PRKACB: variants seen among roughly 807,000 people sequenced by gnomAD.
PRKACB encodes the protein protein kinase cAMP-activated catalytic subunit beta.
PRKACB carries 16 observed loss-of-function variants against 51.4 expected under a neutral mutation model. The ratio of observed to expected loss-of-function variants is 0.31; its 90% CI spans 0.21 to 0.47. PRKACB has a LOEUF of 0.47. PRKACB is among the 20% of genes least tolerant of loss of function. The pLI is 1.00. For missense variants in PRKACB, 309 were observed against 464.5 expected (o/e 0.67, Z 3.08); for synonymous variants, 147 against 154.4 (o/e 0.95, Z 0.35).
At position 84,084,712 on chromosome 1, in the gene PRKACB, G is replaced by A. The variant is rs537251532; in HGVS notation, c.46+6341G>A. Among the ~76,000 whole-genome samples the A allele has an allele frequency of 4.6e-5, 7 of 152,228 alleles. No homozygotes were observed. In the South Asian group the frequency reaches 8.3e-4, roughly 18 times the overall value. The stretch of plus-strand genomic sequence containing the variant: ...GGAAAAGGAGGATTGGGGATGACAC[G>A]TTAAGTTTAAGCTTCAATGCCATGG... On this transcript the variant is annotated intron_variant, in intron 1 of 8. Coordinates refer to the PRKACB transcript ENST00000370688.
chr1:84,079,398 CAT>C (rs1445683955), intron 1 of PRKACB, among the ~76,000 whole-genome samples: 1 of 152,090 alleles, frequency 6.6e-6, no homozygotes, highest in Admixed American at 6.6e-5. Flanking sequence ...ATGGTTGTAA[CAT>C]AAGAATTAGG....
At chr1:84,221,221 A>G (rs1015199068) in intron 9 of PRKACB, among the ~76,000 whole-genome samples, 2 of 151,790 alleles carry the variant, frequency 1.3e-5, no homozygotes, top group Admixed American at 1.3e-4. Flanking sequence ...TAGGTTTTCC[A>G]GTTAGTTAGC....
intron 9 of PRKACB, among the ~76,000 whole-genome samples, chr1:84,228,790 A>C (rs1675079362): frequency 6.6e-6 from 1 of 152,192 alleles, no homozygotes; most frequent in African/African-American, 2.4e-5. Context: ...TTTAGCTGTA[A>C]CTTGAGGAGA....
chr1:84,088,186 G>A (rs1224073054), intron 1 of PRKACB, among the ~76,000 whole-genome samples: 1 of 152,180 alleles, frequency 6.6e-6, no homozygotes, highest in Non-Finnish European at 1.5e-5. Context: ...TATCTGGCCT[G>A]ATGTAACAAG....
chr1:84,138,908 A>G (rs1381594438), intron 1 of PRKACB, among the ~76,000 whole-genome samples: 6 of 152,174 alleles, frequency 3.9e-5, no homozygotes, highest in Non-Finnish European at 7.4e-5. Flanking sequence ...AACCCACCAT[A>G]TTAGTAGACT....
intron 5 of PRKACB, among the ~76,000 whole-genome samples, chr1:84,189,838 A>T (rs1337116695): frequency 6.6e-6 from 1 of 151,994 alleles, no homozygotes; most frequent in Non-Finnish European, 1.5e-5. Context: ...TACTTCAAGA[A>T]AGTTTTGTTT....
At chr1:84,164,768 A>G in intron 1 of PRKACB, 1 of 1,381,748 alleles carries the variant, frequency 7.2e-7, no homozygotes, top group Non-Finnish European at 9.3e-7. Context: ...GTCTAGTTAT[A>G]GACATCTTTG....
chr1:84,088,687 G>C (rs1318882032), intron 1 of PRKACB, among the ~76,000 whole-genome samples: 1 of 152,150 alleles, frequency 6.6e-6, no homozygotes, highest in East Asian at 1.9e-4. Context: ...ATAAGCCATA[G>C]TTCAATTCAT....
chr1:84,160,298 G>A (rs1315189129), intron 1 of PRKACB, among the ~76,000 whole-genome samples: 3 of 151,762 alleles, frequency 2.0e-5, no homozygotes, highest in Non-Finnish European at 4.4e-5. Flanking sequence ...GTGCCTAAGA[G>A]TTTTTCCATT....
intron 9 of PRKACB, among the ~76,000 whole-genome samples, chr1:84,233,274 G>T (rs1345917632): frequency 6.6e-6 from 1 of 152,026 alleles, no homozygotes; most frequent in East Asian, 1.9e-4. Context: ...AGTTTCTGCC[G>T]AGAGATCCGC....
chr1:84,163,412 T>G (rs1323349315), intron 1 of PRKACB, among the ~76,000 whole-genome samples: 1 of 152,074 alleles, frequency 6.6e-6, no homozygotes, highest in Non-Finnish European at 1.5e-5. Flanking sequence ...GCCATAGCCT[T>G]AGACTGTTAA....
At chr1:84,223,264 A>G (rs922958935) in intron 9 of PRKACB, among the ~76,000 whole-genome samples, 1 of 150,888 alleles carries the variant, frequency 6.6e-6, no homozygotes, top group Non-Finnish European at 1.5e-5. Context: ...CCTGTCCTCA[A>G]TTCTTCTCCC....
At chr1:84,139,091 G>C (rs1653130774) in intron 1 of PRKACB, among the ~76,000 whole-genome samples, 2 of 152,124 alleles carry the variant, frequency 1.3e-5, no homozygotes, top group South Asian at 4.1e-4. Context: ...AGTAGTTAAT[G>C]ATGAAAAACT....
In PRKACB at chr1:84,144,281, C is replaced by T. The variant is rs1346194826; in HGVS notation, c.-81C>T. ...AACAGGAAGTTTGACACATGCATAG[C>T]TCTTAGCTTCTGTGTAAGAAGTTGT... On this transcript the variant is annotated 5_prime_UTR_variant, in exon 1 of 10. Transcript: ENST00000370685. The T allele has an allele frequency of 6.4e-7, 1 of 1,561,226 alleles. No homozygotes were observed. The highest frequency in any genetic ancestry group is 8.6e-7 in the Non-Finnish European group (1 of 1,160,694).
intron 9 of PRKACB, among the ~76,000 whole-genome samples, chr1:84,226,573 T>C (rs1348623806): frequency 6.6e-6 from 1 of 152,176 alleles, no homozygotes; most frequent in East Asian, 1.9e-4. Context: ...TATATTATAA[T>C]TGACCATGTT....
chr1:84,227,585 C>T (rs1383002640), intron 9 of PRKACB, among the ~76,000 whole-genome samples: 1 of 152,110 alleles, frequency 6.6e-6, no homozygotes, highest in African/African-American at 2.4e-5. Flanking sequence ...GGGGATAGAA[C>T]AGGAAGGCCA....
intron 7 of PRKACB, among the ~76,000 whole-genome samples, chr1:84,200,800 A>T (rs974768859): frequency 6.6e-6 from 1 of 152,002 alleles, no homozygotes; most frequent in South Asian, 2.1e-4. Context: ...TCGTAGGTGT[A>T]TGGACTTATT....
Position 84,097,349 on chromosome 1 carries a change from G to A in PRKACB, c.46+18978G>A, listed in dbSNP as rs555808690. On this transcript the variant is annotated intron_variant, in intron 1 of 8. Transcript: ENST00000370688. ...TAGTAGATACTATCAAACTGTTTTC[G>A]AAAGAGGTTATACCAATTTGCACTC... 5.3e-5 allele frequency among the ~76,000 whole-genome samples: 8 copies of A among 151,838 alleles called. No homozygotes were observed. In the East Asian group the frequency reaches 9.6e-4, roughly 18 times the overall value.
chr1:84,186,826 AT>A (rs1337390735), intron 5 of PRKACB, among the ~76,000 whole-genome samples: 3 of 151,854 alleles, frequency 2.0e-5, no homozygotes, highest in African/African-American at 7.3e-5. Flanking sequence ...CAGAAGGAAA[AT>A]TTTTCTCAAA....
Sources: gnomAD v4.1 joint callset for allele counts (sites outside exome capture counted in the v4.1 genomes callset) on GRCh38, gnomAD v4.1.1 for gene constraint, MANE v1.5 for transcripts, NCBI Gene and HGNC (gene_info 2026-07-23, HGNC 2026-07-21) for gene names.